The following ANK3 variants were observed in gnomAD, a reference collection of about 807,000 sequenced individuals.
The protein encoded by ANK3 is ankyrin-3.
Under a neutral mutation model 370.9 loss-of-function variants are expected in ANK3, and 57 were observed. The ratio of observed to expected loss-of-function variants is 0.15; its 90% CI spans 0.12 to 0.19. ANK3 has a LOEUF of 0.19. Among genes scored for constraint, ANK3 ranks in the 10% least tolerant of loss-of-function variants. The pLI is 1.00. For missense variants in ANK3, 4,439 were observed against 5,302.1 expected (o/e 0.84, Z 5.06); for synonymous variants, 1,929 against 1,946.3 (o/e 0.99, Z 0.23).
intron 2 of ANK3, among the ~76,000 whole-genome samples, chr10:60,398,246 A>G (rs1421326332): frequency 6.6e-6 from 1 of 152,204 alleles, no homozygotes. Flanking sequence ...TAACCATTTA[A>G]AATGTAAATA....
intron 23 of ANK3, among the ~76,000 whole-genome samples, chr10:60,155,166 A>G (rs2095290875): frequency 6.6e-6 from 1 of 152,206 alleles, no homozygotes; most frequent in Non-Finnish European, 1.5e-5. Flanking sequence ...TCAAGGATAG[A>G]GGCATTGAAA....
Position 60,446,435 on chromosome 10 carries a change from C to G in ANK3, c.97-166796G>C, listed in dbSNP as rs567514200. ...TATTGCTAGTGAGCCCCCCCTTCCT[C>G]TTCATCTTTTTATTCCTACAGTCAG... is the stretch of plus-strand genomic sequence containing the variant. On this transcript the variant is annotated intron_variant, in intron 2 of 43. Transcript: ENST00000373827. 2.5e-3 allele frequency among the ~76,000 whole-genome samples: 381 copies of G among 152,300 alleles called. 1 individual carries two copies. Among genetic ancestry groups the G allele is most frequent in the African/African-American group, 8.4e-3 (350 of 41,568 alleles).
At chr10:60,095,847 C>T (rs2090010012) in intron 28 of ANK3, among the ~76,000 whole-genome samples, 1 of 152,004 alleles carries the variant, frequency 6.6e-6, no homozygotes, top group Admixed American at 6.6e-5. Flanking sequence ...GAATATAAAC[C>T]TCTTTCTGGA....
chr10:60,655,483 G>T (rs989224644), intron 1 of ANK3, among the ~76,000 whole-genome samples: 1 of 151,802 alleles, frequency 6.6e-6, no homozygotes, highest in Non-Finnish European at 1.5e-5. Flanking sequence ...ATAGAAAAAT[G>T]TTTCTAGAAT....
chr10:60,327,766 G>T (rs2132923126), intron 1 of ANK3, among the ~76,000 whole-genome samples: 1 of 152,274 alleles, frequency 6.6e-6, no homozygotes, highest in South Asian at 2.1e-4. Context: ...CTGATCATCA[G>T]AATTAACAGG....
intron 2 of ANK3, among the ~76,000 whole-genome samples, chr10:60,437,434 G>C (rs1369791445): frequency 6.6e-6 from 1 of 152,188 alleles, no homozygotes; most frequent in Non-Finnish European, 1.5e-5. Context: ...TGTCATGTAG[G>C]GGAACCCTGC....
chr10:60,109,111 A>C (rs1327160219), intron 26 of ANK3, 57 bp from the exon 27 acceptor site: 1 of 1,360,306 alleles, frequency 7.4e-7, no homozygotes, highest in African/African-American at 1.4e-5. Flanking sequence ...TGCTCACAGC[A>C]AGTTTGGAAA....
intron 23 of ANK3, among the ~76,000 whole-genome samples, chr10:60,141,497 G>A (rs533882607): frequency 1.5e-3 from 214 of 146,786 alleles, no homozygotes; most frequent in African/African-American, 5.0e-3. Flanking sequence ...GGCAGTGAAG[G>A]AAAAAACTAG....
At chr10:60,444,266 A>G (rs938056805) in intron 2 of ANK3, among the ~76,000 whole-genome samples, 26 of 152,096 alleles carry the variant, frequency 1.7e-4, no homozygotes, top group Non-Finnish European at 1.0e-4. Context: ...AAACTGAATA[A>G]TTCTGAGGTT....
intron 2 of ANK3, among the ~76,000 whole-genome samples, chr10:60,490,713 T>C (rs998707091): frequency 6.6e-6 from 1 of 152,228 alleles, no homozygotes; most frequent in Non-Finnish European, 1.5e-5. Flanking sequence ...CTTGCTGTTA[T>C]TTATTCTATC....
intron 1 of ANK3, among the ~76,000 whole-genome samples, chr10:60,333,746 A>T (rs935858616): frequency 1.3e-5 from 2 of 152,158 alleles, no homozygotes; most frequent in Non-Finnish European, 2.9e-5. Context: ...TGGTTGAACT[A>T]ATTTACACTC....
chr10:60,153,359 C>T (rs1203659504), intron 23 of ANK3, among the ~76,000 whole-genome samples: 1 of 151,854 alleles, frequency 6.6e-6, no homozygotes, highest in Non-Finnish European at 1.5e-5. Context: ...GATGTGGTGG[C>T]CTGGATGGGG....
chr10:60,685,849 CAATT>C (rs2079260718), intron 1 of ANK3, among the ~76,000 whole-genome samples: 2 of 152,030 alleles, frequency 1.3e-5, no homozygotes, highest in South Asian at 4.1e-4. Flanking sequence ...TCAAACTCAC[CAATT>C]AAGTGCATCT....
chr10:60,543,234 G>A (rs1026367635), intron 2 of ANK3, among the ~76,000 whole-genome samples: 4 of 151,864 alleles, frequency 2.6e-5, no homozygotes, highest in Admixed American at 1.3e-4. Context: ...CAATTTGGGG[G>A]ATACTCTGTG....
intron 16 of ANK3, 54 bp downstream of exon 16, chr10:60,196,091 A>G (rs900802581): frequency 2.7e-6 from 4 of 1,473,940 alleles, no homozygotes; most frequent in Non-Finnish European, 3.8e-6. Context: ...ATGTGCAGAT[A>G]GAGACTGATA....
At chr10:60,394,969 C>G (rs571737312) in intron 2 of ANK3, among the ~76,000 whole-genome samples, 139 of 152,262 alleles carry the variant, frequency 9.1e-4, no homozygotes, top group African/African-American at 3.0e-3. Context: ...CTGGCCAATA[C>G]AGTAGCCACT....
intron 38 of ANK3, among the ~76,000 whole-genome samples, chr10:60,065,694 A>G (rs2081503602): frequency 1.3e-5 from 2 of 152,250 alleles, no homozygotes; most frequent in African/African-American, 4.8e-5. Context: ...TACATTATAT[A>G]TCATGGTGTT....
chr10:60,483,818 C>A (rs1347913335), intron 2 of ANK3, among the ~76,000 whole-genome samples: 1 of 152,126 alleles, frequency 6.6e-6, no homozygotes, highest in Admixed American at 6.6e-5. Flanking sequence ...TATGAGAAGG[C>A]AAGAAGAGAG....
intron 1 of ANK3, among the ~76,000 whole-genome samples, chr10:60,724,090 G>A (rs1589080412): frequency 7.8e-6 from 1 of 128,106 alleles, no homozygotes. Flanking sequence ...GGCGCCTGTA[G>A]TCCCAGCTAC....
Sources: allele counts gnomAD v4.1 joint callset (sites outside exome capture counted in the v4.1 genomes callset), GRCh38; gene constraint gnomAD v4.1.1; transcripts MANE v1.5; gene names NCBI Gene and HGNC (gene_info 2026-07-23, HGNC 2026-07-21).